Variants in ZNF407 observed in about 807,000 individuals in gnomAD.
The protein encoded by ZNF407 is zinc finger protein 407.
Under a neutral mutation model 131.2 loss-of-function variants are expected in ZNF407, and 17 were observed. The ratio of observed to expected loss-of-function variants is 0.13; its 90% CI spans 0.09 to 0.19. The LOEUF (loss-of-function observed/expected upper bound fraction) is 0.19. Among genes scored for constraint, ZNF407 ranks in the 10% least tolerant of loss-of-function variants. The pLI is 1.00. For synonymous variants in ZNF407, 1,156 were observed against 1,062.0 expected, an observed-to-expected ratio of 1.09 and a Z score of -1.72; for missense variants, 2,681 against 2,830.6, an observed-to-expected ratio of 0.95 and a Z score of 1.20.
intron 4 of ZNF407, among the ~76,000 whole-genome samples, chr18:74,834,830 C>G (rs1970533365): frequency 6.6e-6 from 1 of 152,186 alleles, no homozygotes; most frequent in Non-Finnish European, 1.5e-5. Context: ...TGCCTTTACA[C>G]TGTTAGATGC....
chr18:74,804,202 A>G, intron 4 of ZNF407: 1 of 1,342,006 alleles, frequency 7.5e-7, no homozygotes, highest in East Asian at 2.6e-5. Context: ...TGTGATGTAA[A>G]TCATCACACA....
intron 8 of ZNF407, among the ~76,000 whole-genome samples, chr18:75,046,049 G>T (rs896681708): frequency 8.5e-5 from 13 of 152,262 alleles, no homozygotes; most frequent in African/African-American, 3.1e-4. Flanking sequence ...CAAATGATCC[G>T]AAGTCATTCT....
intron 8 of ZNF407, among the ~76,000 whole-genome samples, chr18:74,970,764 G>A (rs912338575): frequency 6.6e-6 from 1 of 152,190 alleles, no homozygotes; most frequent in Non-Finnish European, 1.5e-5. Flanking sequence ...TGCCATTCTG[G>A]GGTCTGGAGG....
intron 3 of ZNF407, among the ~76,000 whole-genome samples, chr18:74,687,265 T>A (rs543417741): frequency 3.9e-5 from 6 of 152,276 alleles, no homozygotes; most frequent in Admixed American, 2.0e-4. Context: ...AGAGGATCAC[T>A]TGAACCTAGT....
intron 4 of ZNF407, among the ~76,000 whole-genome samples, chr18:74,802,163 T>A (rs987524548): frequency 6.6e-6 from 1 of 152,214 alleles, no homozygotes; most frequent in Non-Finnish European, 1.5e-5. Flanking sequence ...CATATAGTTA[T>A]ACTACGTACA....
chr18:74,868,345 A>G (rs1971041527), intron 4 of ZNF407, among the ~76,000 whole-genome samples: 1 of 152,236 alleles, frequency 6.6e-6, no homozygotes, highest in Non-Finnish European at 1.5e-5. Flanking sequence ...TTGTATGCAT[A>G]TGTACTGTAT....
chr18:74,873,227 G>T (rs1043241511), intron 4 of ZNF407, among the ~76,000 whole-genome samples: 4 of 152,120 alleles, frequency 2.6e-5, no homozygotes, highest in Admixed American at 2.6e-4. Context: ...GCAACACCAG[G>T]TGAGAGTTTC....
At chr18:74,967,638 A>G (rs1446636637) in intron 8 of ZNF407, among the ~76,000 whole-genome samples, 1 of 152,188 alleles carries the variant, frequency 6.6e-6, no homozygotes, top group East Asian at 1.9e-4. Context: ...GTCTATGTGC[A>G]TGCTCATTAG....
At position 74,835,634 on chromosome 18, in the gene ZNF407, G is replaced by GTGTGTT. The variant is rs1426421829; in HGVS notation, c.4878-41558_4878-41557insTTGTGT. Among the ~76,000 whole-genome samples, 1,048 of 114,362 alleles carry GTGTGTT rather than the reference G, an allele frequency of 9.2e-3. 19 individuals are homozygous for GTGTGTT. The highest frequency in any genetic ancestry group is 0.028 in the African/African-American group (887 of 31,642). 75.0% of individuals were successfully genotyped at this position (114,362 alleles called of 152,430 possible). ...TTGTGTCTTGGACAGAGGGGGGTGT[G>GTGTGTT]TGTGTGTGTGTGTGTGTGTGTGTGT... On this transcript the variant is annotated intron_variant, in intron 4 of 8. Coordinates refer to ENST00000299687, the MANE Select transcript of ZNF407 (RefSeq NM_017757.3).
intron 3 of ZNF407, among the ~76,000 whole-genome samples, chr18:74,665,346 T>G (rs1456168920): frequency 2.0e-5 from 3 of 152,200 alleles, no homozygotes; most frequent in Admixed American, 2.0e-4. Context: ...TTCCACATTA[T>G]CTCATGGTCC....
chr18:74,955,786 A>T (rs927717780), intron 8 of ZNF407, among the ~76,000 whole-genome samples: 3 of 152,058 alleles, frequency 2.0e-5, no homozygotes, highest in Non-Finnish European at 2.9e-5. Flanking sequence ...ACATCTTCCG[A>T]TGTTTGTGAG....
At chr18:75,006,166 C>T (rs1331541594) in intron 8 of ZNF407, among the ~76,000 whole-genome samples, 1 of 152,196 alleles carries the variant, frequency 6.6e-6, no homozygotes, top group Non-Finnish European at 1.5e-5. Context: ...TTCCTCTGCA[C>T]TGCCGCTCCT....
intron 3 of ZNF407, among the ~76,000 whole-genome samples, chr18:74,701,853 G>A (rs1967504504): frequency 6.6e-6 from 1 of 152,088 alleles, no homozygotes. Context: ...CTATTTTACA[G>A]ATTTTAGGAA....
intron 3 of ZNF407, among the ~76,000 whole-genome samples, chr18:74,644,547 A>G (rs1410916497): frequency 6.6e-6 from 1 of 151,810 alleles, no homozygotes; most frequent in East Asian, 1.9e-4. Context: ...AATTCTTTTA[A>G]GTTTATTTTA....
chr18:74,690,605 C>T (rs1029203500), intron 3 of ZNF407, among the ~76,000 whole-genome samples: 2 of 152,108 alleles, frequency 1.3e-5, no homozygotes, highest in African/African-American at 4.8e-5. Context: ...TTTGTGATTT[C>T]TTTTGGCAGT....
intron 4 of ZNF407, among the ~76,000 whole-genome samples, chr18:74,855,103 C>T (rs1422389537): frequency 6.6e-6 from 1 of 152,118 alleles, no homozygotes; most frequent in Non-Finnish European, 1.5e-5. Flanking sequence ...ATAACTCAAC[C>T]TATAAATAAG....
chr18:74,679,371 C>T (rs1966929006), intron 3 of ZNF407, among the ~76,000 whole-genome samples: 2 of 152,200 alleles, frequency 1.3e-5, no homozygotes, highest in Admixed American at 6.5e-5. Context: ...ATCCCGTTCT[C>T]TTTCTAGTAC....
chr18:74,812,044 A>T lies in ZNF407; in HGVS notation c.4877+30542A>T, dbSNP rs1970205187. ...CTTAAGTATAAAAATAAAAAAAAATAAATAAATTTCATTGAACTTAATCTT... is the reference window on the plus strand; with the variant it reads ...CTTAAGTATAAAAATAAAAAAAAATTAATAAATTTCATTGAACTTAATCTT... On this transcript the variant is annotated intron_variant, in intron 4 of 8. Transcript: ENST00000299687. Among the ~76,000 whole-genome samples the T allele has an allele frequency of 1.3e-5, 2 of 150,128 alleles. 1 individual carries two copies. The highest frequency in any genetic ancestry group is 5.1e-5 in the African/African-American group (2 of 39,490).
intron 2 of ZNF407, among the ~76,000 whole-genome samples, chr18:74,638,607 T>C (rs1984567533): frequency 6.6e-6 from 1 of 152,216 alleles, no homozygotes; most frequent in African/African-American, 2.4e-5. Flanking sequence ...TTTAAAGTCT[T>C]TGAAATTCTT....
Sources: gnomAD v4.1 joint callset for allele counts (sites outside exome capture counted in the v4.1 genomes callset) on GRCh38, gnomAD v4.1.1 for gene constraint, MANE v1.5 for transcripts, NCBI Gene and HGNC (gene_info 2026-07-23, HGNC 2026-07-21) for gene names.